The following PWWP2A variants were observed in gnomAD, a reference collection of about 807,000 sequenced individuals.
The protein encoded by PWWP2A is PWWP domain-containing protein 2A.
Under a neutral mutation model 48.5 loss-of-function variants are expected in PWWP2A, and 18 were observed. That is an observed-to-expected ratio of 0.37 (90% CI 0.26 to 0.55). PWWP2A has a LOEUF of 0.55. Among genes scored for constraint, PWWP2A ranks in the 20% least tolerant of loss-of-function variants. The pLI is 0.81. For missense variants in PWWP2A, 867 were observed against 976.4 expected, an observed-to-expected ratio of 0.89 and a Z score of 1.49; for synonymous variants, 396 against 387.7, an observed-to-expected ratio of 1.02 and a Z score of -0.25.
chr5:160,092,421 G>A lies in PWWP2A; in HGVS notation c.2229C>T (p.Thr743=). Residue 743 remains threonine, a synonymous_variant, in exon 2 of 2, where the codon ACC becomes ACT. Coordinates refer to ENST00000307063, the MANE Select transcript of PWWP2A (RefSeq NM_001130864.2). ...GTGTCAACAAAGCCCGCACTTCGGG[G>A]GTCAGCTGCTTGGCAGCCTTAGCTG... is the stretch of plus-strand genomic sequence containing the variant. ...TEAAKAAKQL[T]PEVRALLTQF... 2 of 1,550,166 alleles carry A rather than the reference G, an allele frequency of 1.3e-6. No homozygotes were observed. Among genetic ancestry groups the A allele is most frequent in the African/African-American group, 1.4e-5 (1 of 72,908 alleles).
At chr5:160,049,708 T>G in the PWWP2A span, 1 of 1,426,170 alleles carries the variant, frequency 7.0e-7, no homozygotes, top group Non-Finnish European at 9.3e-7. Flanking sequence ...ATTCTTTGTG[T>G]TGCTACCCAG....
intron 1 of PWWP2A, among the ~76,000 whole-genome samples, chr5:160,098,654 A>G (rs1376837652): frequency 6.6e-6 from 1 of 152,244 alleles, no homozygotes; most frequent in Non-Finnish European, 1.5e-5. Flanking sequence ...CCAGATGTAA[A>G]ACAGATTTTC....
In PWWP2A at chr5:160,093,477, A is replaced by T. The variant is rs765223137; in HGVS notation, c.1173T>A (p.Ile391=). The change falls in exon 2 of 2, where the codon ATT becomes ATA. Residue 391 remains isoleucine (I), a synonymous_variant. Transcript: ENST00000307063. This position sits in a 1 kb window ranked among gnomAD's most constrained non-coding sequence, Gnocchi z 5.8. ...KRNAVVKVSN[I]AHSRGRVVKV... is the part of the protein sequence containing the mutation. ...TTACTACTCTGCCTCTGCTGTGAGCAATATTTGAAACCTTAACCACAGCAT... is the reference window on the plus strand; with the variant it reads ...TTACTACTCTGCCTCTGCTGTGAGCTATATTTGAAACCTTAACCACAGCAT... The T allele has an allele frequency of 1.9e-6, 3 of 1,613,882 alleles. No homozygotes were observed. The highest frequency in any genetic ancestry group is 2.5e-6 in the Non-Finnish European group (3 of 1,179,882).
rs145702683 is a variant in PWWP2A at position 160,064,501 on chromosome 5, C to G, written c.*237-828G>C. Among the ~76,000 whole-genome samples, 191 of 152,334 alleles carry G rather than the reference C, an allele frequency of 1.3e-3. 7 individuals are homozygous for G. In the East Asian group the frequency reaches 0.036, roughly 28 times the overall value. On this transcript the variant is annotated intron_variant and NMD_transcript_variant, in intron 4 of 5. Transcript: ENST00000524050. ...ATTACATTTAGCAGGTGGCTGCTGC[C>G]GTTCTAGAGAGAAGAGACTTGGAGG...
rs1019356381 is a variant in PWWP2A at position 160,080,504 on chromosome 5, C to T, written c.1669+147G>A. The T allele has an allele frequency of 5.8e-5, 41 of 702,594 alleles. 1 individual carries two copies. The East Asian group carries it at 9.4e-4, about 16-fold the overall frequency. 43.5% of individuals were successfully genotyped at this position (702,594 alleles called of 1,614,324 possible). A position where few individuals can be genotyped will look rare whatever the true frequency, so the allele number is the denominator to read the frequency against. On this transcript the variant is annotated intron_variant, in intron 3 of 3. Coordinates refer to the PWWP2A transcript ENST00000456329. The stretch of plus-strand genomic sequence containing the variant: ...TCATTCATTAAAACTATCACCTACA[C>T]GAGGCACACCCGGCTACCAAAGTCA...
Position 160,093,350 on chromosome 5 carries a change from T to C in PWWP2A, c.1300A>G (p.Ile434Val). The C allele has an allele frequency of 6.2e-7, 1 of 1,613,922 alleles. No homozygotes were observed. Among genetic ancestry groups the C allele is most frequent in the South Asian group, 1.1e-5 (1 of 91,068 alleles). The change falls in exon 2 of 2, where the codon ATT becomes GTT. Residue 434 changes from isoleucine (I) to valine (V), a missense_variant. By Grantham distance (29) the Ile-to-Val change is conservative (BLOSUM62 3). This residue lies in a region of PWWP2A where 382 missense variants were observed against 407.2 expected (regional missense o/e 0.94). Transcript: ENST00000307063. The surrounding 1 kb of genome is among the most constrained non-coding windows in gnomAD (Gnocchi z 5.8). ...DHAKAREVLK[I>V]AKEKAQKKQN... ...TTCTTTTGTGCCTTTTCTTTGGCAA[T>C]TTTTAACACTTCCCGAGCTTTCGCA...
the PWWP2A span, among the ~76,000 whole-genome samples, chr5:160,049,840 G>A: frequency 6.6e-6 from 1 of 152,102 alleles, no homozygotes; most frequent in Non-Finnish European, 1.5e-5. Context: ...CACTTTAGGA[G>A]GCCAAGGAGG....
the PWWP2A span, among the ~76,000 whole-genome samples, chr5:160,045,554 C>CTCTCTCTCTCTCTCTCTCT: frequency 8.6e-6 from 1 of 115,974 alleles, no homozygotes; most frequent in Non-Finnish European, 1.8e-5. Flanking sequence ...TCTCTCTCTC[C>CTCTCTCTCTCTCTCTCTCT]CCCTCCCCTC....
At chr5:160,064,704 A>G (rs796960720) in intron 4 of PWWP2A, among the ~76,000 whole-genome samples, 4 of 152,332 alleles carry the variant, frequency 2.6e-5, no homozygotes, top group African/African-American at 9.6e-5. Flanking sequence ...ACTCTCATCT[A>G]TGCAAGCACA....
chr5:160,078,279 A>C lies in PWWP2A; in HGVS notation c.1670-111T>G. On this transcript the variant is annotated intron_variant, in intron 3 of 3. Coordinates refer to the PWWP2A transcript ENST00000456329. The surrounding 1 kb of genome is among the most constrained non-coding windows in gnomAD (Gnocchi z 4.2). ...TACATAGATTGTGGGATCACACCTG[A>C]TTTTTTCTTTTAAATCGGTTAAACC... 1 of 890,378 alleles carries C rather than the reference A, an allele frequency of 1.1e-6. No individual in the cohort carries two copies. The allele number at this position is 890,378 out of a possible 1,614,324, so 55.2% of individuals were successfully genotyped here.
At chr5:160,045,501 CACACACACACACA>C in the PWWP2A span, among the ~76,000 whole-genome samples, 434 of 108,600 alleles carry the variant, frequency 4.0e-3, 38 homozygotes, top group Admixed American at 0.025. Flanking sequence ...CACACACACA[CACACACACACACA>C]TACACACTCT....
intron 5 of PWWP2A, among the ~76,000 whole-genome samples, chr5:160,063,150 T>G (rs546137297): frequency 2.0e-5 from 3 of 152,326 alleles, no homozygotes; most frequent in African/African-American, 7.2e-5. Flanking sequence ...CTGGACATAG[T>G]GAGCTTCCTT....
At chr5:160,117,782 T>C in intron 1 of PWWP2A, 1 of 575,004 alleles carries the variant, frequency 1.7e-6, no homozygotes, top group Non-Finnish European at 2.2e-6. Flanking sequence ...AAAGAAGGAT[T>C]CCTGGGTCTT....
In PWWP2A at chr5:160,078,696, A is replaced by G. The variant is rs1275710840; in HGVS notation, c.1670-528T>C. On this transcript the variant is annotated intron_variant, in intron 3 of 3. Transcript: ENST00000456329. This position sits in a 1 kb window ranked among gnomAD's most constrained non-coding sequence, Gnocchi z 4.2. Reference sequence around the variant, plus strand: ...CCACATACTTGCAAAGAGCAAAATAAGAAGGGAATGGAGGGTGCCTCCCCA... The same window carrying G: ...CCACATACTTGCAAAGAGCAAAATAGGAAGGGAATGGAGGGTGCCTCCCCA... 6.6e-6 allele frequency among the ~76,000 whole-genome samples: 1 copy of G among 152,216 alleles called. No individual in the cohort carries two copies. Among genetic ancestry groups the G allele is most frequent in the African/African-American group, 2.4e-5 (1 of 41,466 alleles).
At chr5:160,112,670 A>G (rs1241395941) in intron 1 of PWWP2A, among the ~76,000 whole-genome samples, 1 of 151,830 alleles carries the variant, frequency 6.6e-6, no homozygotes, top group Non-Finnish European at 1.5e-5. Flanking sequence ...AGGGTAGTAC[A>G]GGGAAAACCA....
intron 1 of PWWP2A, among the ~76,000 whole-genome samples, chr5:160,095,047 CAAAAAAAAA>C (rs70987998): frequency 2.2e-3 from 69 of 30,876 alleles, no homozygotes; most frequent in African/African-American, 4.6e-3. Flanking sequence ...GACTCTGTCT[CAAAAAAAAA>C]AAAAAAAAAA....
intron 1 of PWWP2A, among the ~76,000 whole-genome samples, chr5:160,101,550 A>G (rs572025022): frequency 1.3e-5 from 2 of 152,280 alleles, no homozygotes; most frequent in Admixed American, 1.3e-4. Flanking sequence ...AAACTATTGA[A>G]TTTTAGTTTT....
chr5:160,104,786 CAG>C (rs1426634143), intron 1 of PWWP2A, among the ~76,000 whole-genome samples: 1 of 152,114 alleles, frequency 6.6e-6, no homozygotes, highest in African/African-American at 2.4e-5. Context: ...GCCTGGGCGA[CAG>C]AGTGAGACTC....
chr5:160,044,527 G>C, the PWWP2A span, among the ~76,000 whole-genome samples: 5 of 152,172 alleles, frequency 3.3e-5, no homozygotes, highest in Non-Finnish European at 5.9e-5. Flanking sequence ...GAATATATAG[G>C]GTAACTTCTG....
Sources: allele counts gnomAD v4.1 joint callset (sites outside exome capture counted in the v4.1 genomes callset), GRCh38; gene constraint gnomAD v4.1.1; regional missense constraint gnomAD v4.1.1; non-coding constraint Gnocchi (gnomAD v3.1); transcripts MANE v1.5; gene names NCBI Gene and HGNC (gene_info 2026-07-23, HGNC 2026-07-21).